Variants in TENM3 observed in about 807,000 individuals in gnomAD.
The protein encoded by TENM3 is teneurin transmembrane protein 3, also known as teneurin-3.
In TENM3, 63 loss-of-function variants were observed where a neutral mutation model predicts 255.1. That is an observed-to-expected ratio of 0.25 (90% confidence interval 0.20 to 0.30). The LOEUF is 0.30. Among genes scored for constraint, TENM3 ranks in the 10% least tolerant of loss-of-function variants. TENM3 has a pLI of 1.00. For missense variants in TENM3, 2,929 were observed against 3,461.1 expected, an observed-to-expected ratio of 0.85 and a Z score of 3.86; for synonymous variants, 1,306 against 1,322.3, an observed-to-expected ratio of 0.99 and a Z score of 0.27.
At chr4:181,482,090 T>C in the TENM3 span, among the ~76,000 whole-genome samples, 295 of 152,252 alleles carry the variant, frequency 1.9e-3, 1 homozygote, top group African/African-American at 6.5e-3. Flanking sequence ...AAAGTTGTGA[T>C]GAATATTTTT....
chr4:181,476,428 A>C, the TENM3 span, among the ~76,000 whole-genome samples: 1 of 152,022 alleles, frequency 6.6e-6, no homozygotes, highest in Admixed American at 6.6e-5. Context: ...CAATCCTATC[A>C]ATTTATGACT....
At chr4:181,874,072 C>T in the TENM3 span, among the ~76,000 whole-genome samples, 2 of 151,812 alleles carry the variant, frequency 1.3e-5, no homozygotes, top group African/African-American at 4.8e-5. Flanking sequence ...CGTGAGCCAC[C>T]GAGCCCAGCC....
At chr4:181,535,065 G>A in the TENM3 span, among the ~76,000 whole-genome samples, 14 of 152,090 alleles carry the variant, frequency 9.2e-5, no homozygotes, top group African/African-American at 2.7e-4. Context: ...GACTTCAAAC[G>A]CAGTGTTCTC....
At chr4:181,852,209 C>T in the TENM3 span, among the ~76,000 whole-genome samples, 2 of 152,196 alleles carry the variant, frequency 1.3e-5, no homozygotes, top group African/African-American at 4.8e-5. Context: ...ACTAAAACAT[C>T]GGGTGATGTG....
chr4:181,678,262 G>C, the TENM3 span, among the ~76,000 whole-genome samples: 1 of 152,054 alleles, frequency 6.6e-6, no homozygotes, highest in African/African-American at 2.4e-5. Context: ...TTCAGTGCAA[G>C]GGAAGAAGGG....
In TENM3 at chr4:182,549,950, G is replaced by T. The variant is rs192778286; in HGVS notation, c.512-50974G>T. ...TGGGTTCATTTAGAAATTGCAATTG[G>T]TTTTTTCATACGTAATGGGAAATCA... On this transcript the variant is annotated intron_variant, in intron 3 of 27. Transcript: ENST00000511685. Among the ~76,000 whole-genome samples the T allele has an allele frequency of 3.9e-4, 60 of 152,292 alleles. No homozygotes were observed. In the East Asian group the frequency reaches 0.011, roughly 27 times the overall value.
chr4:182,238,090 T>C (rs1757002157), intron 1 of TENM3, among the ~76,000 whole-genome samples: 1 of 152,158 alleles, frequency 6.6e-6, no homozygotes. Context: ...AGACAATGAA[T>C]AAATGAAGGA....
chr4:181,792,606 T>C, the TENM3 span, among the ~76,000 whole-genome samples: 2 of 152,212 alleles, frequency 1.3e-5, no homozygotes, highest in Non-Finnish European at 2.9e-5. Context: ...GATGGGCAAT[T>C]ATTTATGAGT....
chr4:182,313,188 A>G (rs1056364647), intron 1 of TENM3, among the ~76,000 whole-genome samples: 2 of 151,772 alleles, frequency 1.3e-5, no homozygotes, highest in Non-Finnish European at 2.9e-5. Flanking sequence ...CATTGATGAG[A>G]GTTAAGCCAC....
At chr4:181,628,108 T>C in the TENM3 span, among the ~76,000 whole-genome samples, 1 of 152,222 alleles carries the variant, frequency 6.6e-6, no homozygotes. Flanking sequence ...CATTTTTTCA[T>C]GTGTCTTTTG....
At chr4:181,469,414 A>T in the TENM3 span, among the ~76,000 whole-genome samples, 13 of 152,326 alleles carry the variant, frequency 8.5e-5, no homozygotes, top group East Asian at 2.1e-3. Context: ...CTTCAGCTCA[A>T]ATATAATATT....
intron 1 of TENM3, among the ~76,000 whole-genome samples, chr4:182,223,389 A>ATT (rs375941717): frequency 1.3e-5 from 2 of 149,682 alleles, no homozygotes; most frequent in Non-Finnish European, 3.0e-5. Context: ...TTTTAATAAC[A>ATT]TTTTTTTTTT....
At chr4:181,854,563 C>T in the TENM3 span, among the ~76,000 whole-genome samples, 2 of 152,146 alleles carry the variant, frequency 1.3e-5, no homozygotes, top group East Asian at 3.9e-4. Context: ...TAAATTGTTG[C>T]CGAATCATGC....
At chr4:181,561,786 T>A in the TENM3 span, among the ~76,000 whole-genome samples, 97 of 152,344 alleles carry the variant, frequency 6.4e-4, no homozygotes, top group East Asian at 0.015. Context: ...CTCAGATAAA[T>A]CCCTTAAAAT....
chr4:182,542,374 T>C (rs1740968643), intron 3 of TENM3, among the ~76,000 whole-genome samples: 1 of 151,950 alleles, frequency 6.6e-6, no homozygotes, highest in African/African-American at 2.4e-5. Flanking sequence ...TGGGACACTT[T>C]TTTCCTCTGC....
the TENM3 span, among the ~76,000 whole-genome samples, chr4:181,928,619 C>T: frequency 6.6e-6 from 1 of 151,920 alleles, no homozygotes; most frequent in Non-Finnish European, 1.5e-5. Flanking sequence ...GGGATATTAT[C>T]CAGGAGAACT....
At chr4:182,621,103 C>T (rs1477149355) in intron 4 of TENM3, among the ~76,000 whole-genome samples, 1 of 151,778 alleles carries the variant, frequency 6.6e-6, no homozygotes, top group East Asian at 2.0e-4. Flanking sequence ...ATGGCGTGAA[C>T]TCAGGAGGCA....
At chr4:182,107,143 A>T in the TENM3 span, among the ~76,000 whole-genome samples, 1 of 124,298 alleles carries the variant, frequency 8.0e-6, no homozygotes, top group Non-Finnish European at 1.7e-5. Context: ...GTCTGGTGAA[A>T]CAGAACATAC....
chr4:182,601,042 T>G lies in TENM3; in HGVS notation c.630T>G (p.Asn210Lys). 3 of 1,612,840 alleles carry G rather than the reference T, an allele frequency of 1.9e-6. No individual in the cohort carries two copies. Among genetic ancestry groups the G allele is most frequent in the Non-Finnish European group, 2.5e-6 (3 of 1,179,654 alleles). The change falls in exon 4 of 28, where the codon AAT (asparagine) becomes AAG (lysine). Residue 210 changes from asparagine to lysine, a missense_variant. Around this residue, in one of 6 missense-constraint regions of TENM3, gnomAD observed 283 missense variants for 256.9 expected, o/e 1.10. Transcript: ENST00000511685. ...ITSLNRNSLT[N>K]RRNQSPAPPA... is the part of the protein sequence containing the mutation. ...CTCTCAACAGAAACTCCCTGACCAA[T>G]AGAAGGAACCAGAGTCCGGCCCCGC... is the stretch of plus-strand genomic sequence containing the variant.
Sources: allele counts gnomAD v4.1 joint callset (sites outside exome capture counted in the v4.1 genomes callset), GRCh38; gene constraint gnomAD v4.1.1; regional missense constraint gnomAD v4.1.1; transcripts MANE v1.5; gene names NCBI Gene and HGNC (gene_info 2026-07-23, HGNC 2026-07-21).